Variants in CRACDL observed in about 807,000 individuals in gnomAD.
The protein encoded by CRACDL is CRACD like.
Under a neutral mutation model 70.6 loss-of-function variants are expected in CRACDL, and 26 were observed. The observed-to-expected ratio is 0.37, with a 90% CI of 0.27 to 0.51. The LOEUF (loss-of-function observed/expected upper bound fraction) is 0.51, where lower values mean the gene tolerates loss of function less well. CRACDL is among the 20% of genes least tolerant of loss of function. The probability of loss-of-function intolerance (pLI) is 0.94; values close to 1 mark genes in which losing one functional copy is unlikely to be tolerated. For missense variants in CRACDL, 1,283 were observed against 1,376.9 expected, an observed-to-expected ratio of 0.93 and a Z score of 1.08; for synonymous variants, 618 against 615.2, an observed-to-expected ratio of 1.00 and a Z score of -0.07.
Position 98,823,633 on chromosome 2 carries a change from A to G in CRACDL, c.736-96T>C. Reference sequence around the variant, plus strand: ...TTTCAAGGCTTATAATGGTTTAGTGATAGCAGCACTATAAAGCTGGCACTT... The same window carrying G: ...TTTCAAGGCTTATAATGGTTTAGTGGTAGCAGCACTATAAAGCTGGCACTT... On this transcript the variant is annotated intron_variant, in intron 6 of 9. Coordinates refer to ENST00000397899, the MANE Select transcript of CRACDL (RefSeq NM_207362.3). The surrounding 1 kb of genome is among the most constrained non-coding windows in gnomAD (Gnocchi z 4.0). 1 of 1,422,772 alleles carries G rather than the reference A, an allele frequency of 7.0e-7. No individual in the cohort carries two copies. Among genetic ancestry groups the G allele is most frequent in the Non-Finnish European group, 9.6e-7 (1 of 1,046,180 alleles). The allele number at this position is 1,422,772 out of a possible 1,614,324, so 88.1% of individuals were successfully genotyped here.
chr2:98,807,139 T>C (rs1444130537), intron 7 of CRACDL, among the ~76,000 whole-genome samples: 1 of 152,208 alleles, frequency 6.6e-6, no homozygotes, highest in Non-Finnish European at 1.5e-5. Context: ...CACAGAGTCT[T>C]ATGGAACAAA....
At chr2:98,884,579 C>G (rs957211785) in intron 1 of CRACDL, among the ~76,000 whole-genome samples, 1 of 152,144 alleles carries the variant, frequency 6.6e-6, no homozygotes, top group South Asian at 2.1e-4. Context: ...CTAAAATTCA[C>G]GTGTTGAAAC....
intron 8 of CRACDL, 59 bp from the exon 9 acceptor site, chr2:98,796,323 C>T: frequency 3.2e-6 from 5 of 1,552,936 alleles, no homozygotes; most frequent in Non-Finnish European, 3.5e-6. Context: ...GGGGCAAACA[C>T]ATCCAAAGTG....
At chr2:98,864,787 T>C (rs1707070171) in intron 1 of CRACDL, among the ~76,000 whole-genome samples, 1 of 152,186 alleles carries the variant, frequency 6.6e-6, no homozygotes, top group South Asian at 2.1e-4. Flanking sequence ...CCTCAGGTGA[T>C]CCACAGGCCT....
chr2:98,836,657 A>G (rs1009900585), intron 3 of CRACDL, among the ~76,000 whole-genome samples: 1 of 152,188 alleles, frequency 6.6e-6, no homozygotes, highest in Non-Finnish European at 1.5e-5. Flanking sequence ...TGTGTGCTCC[A>G]GTCAAGAGAC....
At chr2:98,821,441 G>A (rs1705022395) in intron 7 of CRACDL, among the ~76,000 whole-genome samples, 1 of 152,214 alleles carries the variant, frequency 6.6e-6, no homozygotes, top group South Asian at 2.1e-4. Flanking sequence ...GCCTCCCAAA[G>A]TGCTGGGATT....
chr2:98,838,534 T>C (rs1705892515), intron 2 of CRACDL, among the ~76,000 whole-genome samples: 1 of 152,296 alleles, frequency 6.6e-6, no homozygotes, highest in Admixed American at 6.5e-5. Flanking sequence ...TGGAAGATGA[T>C]CACAGAATCA....
At chr2:98,908,620 C>G (rs1025213829) in intron 1 of CRACDL, 4 of 152,426 alleles carry the variant, frequency 2.6e-5, no homozygotes, top group South Asian at 2.1e-4. Context: ...GGCAGATAAA[C>G]TCCATTAAGG....
At chr2:98,838,045 T>C in intron 3 of CRACDL, 74 bp downstream of exon 3, 2 of 1,333,422 alleles carry the variant, frequency 1.5e-6, no homozygotes, top group South Asian at 3.0e-5. Flanking sequence ...GGCTCAGAAA[T>C]CCAGCAAGTT....
chr2:98,924,248 C>A (rs959981498), intron 1 of CRACDL, among the ~76,000 whole-genome samples: 1 of 152,132 alleles, frequency 6.6e-6, no homozygotes, highest in African/African-American at 2.4e-5. Flanking sequence ...CCTGGCAGAC[C>A]CTGGGCTGGA....
At position 98,797,586 on chromosome 2, in the gene CRACDL, G is replaced by A. The variant is rs774520199; in HGVS notation, c.2417-49C>T. 29 of 1,568,196 alleles carry A rather than the reference G, an allele frequency of 1.8e-5. No homozygotes were observed. In the African/African-American group the frequency reaches 2.0e-4, roughly 11 times the overall value. On this transcript the variant is annotated intron_variant, in intron 7 of 9. Coordinates refer to ENST00000397899, the MANE Select transcript of CRACDL (RefSeq NM_207362.3). ...ATAGAAACAGTCCTATTCCCTCTTC[G>A]GTTGCACCCTTTGTGTCTCCTGCAC...
Position 98,822,044 on chromosome 2 carries a change from G to A in CRACDL, c.2229C>T (p.Ser743=). ...GCCGGGCCTTCCCCTTTCCTTGGTCGCTGGGGGCCCTGGTGCCTCGAAGGG... is the reference window on the plus strand; with the variant it reads ...GCCGGGCCTTCCCCTTTCCTTGGTCACTGGGGGCCCTGGTGCCTCGAAGGG... The part of the protein sequence containing the change: ...APALRGTRAP[S]DQGKGKARPP... The change falls in exon 7 of 10, where the codon AGC becomes AGT. Residue 743 remains serine, a synonymous_variant. Coordinates refer to ENST00000397899, the MANE Select transcript of CRACDL (RefSeq NM_207362.3). The surrounding 1 kb of genome is among the most constrained non-coding windows in gnomAD (Gnocchi z 4.9). 6.5e-7 allele frequency: 1 copy of A among 1,545,254 alleles called. No homozygotes were observed. The highest frequency in any genetic ancestry group is 8.7e-7 in the Non-Finnish European group (1 of 1,144,540).
At chr2:98,892,584 G>A (rs559703701) in intron 1 of CRACDL, among the ~76,000 whole-genome samples, 13 of 151,942 alleles carry the variant, frequency 8.6e-5, no homozygotes, top group East Asian at 1.9e-4. Context: ...TAGCTACTCC[G>A]GAGGCTGAGG....
chr2:98,816,089 C>T (rs542234179), intron 7 of CRACDL, among the ~76,000 whole-genome samples: 1 of 152,268 alleles, frequency 6.6e-6, no homozygotes, highest in Non-Finnish European at 1.5e-5. Flanking sequence ...GTCCCAGGAG[C>T]TCTGGCCTGC....
chr2:98,903,053 A>G (rs905175291), intron 1 of CRACDL, among the ~76,000 whole-genome samples: 40 of 151,154 alleles, frequency 2.6e-4, no homozygotes, highest in African/African-American at 9.0e-4. Flanking sequence ...CAGGCGGGGG[A>G]CCCTCATCCC....
chr2:98,823,367 G>T lies in CRACDL; in HGVS notation c.906C>A (p.Pro302=). 6.5e-7 allele frequency: 1 copy of T among 1,530,060 alleles called. No homozygotes were observed. 94.8% of individuals were successfully genotyped at this position (1,530,060 alleles called of 1,614,324 possible). Residue 302 remains proline (P), a synonymous_variant, in exon 7 of 10, where the codon CCC becomes CCA. Coordinates refer to ENST00000397899, the MANE Select transcript of CRACDL (RefSeq NM_207362.3). This position sits in a 1 kb window ranked among gnomAD's most constrained non-coding sequence, Gnocchi z 4.0. The part of the protein sequence containing the change: ...EPGPPAPLPP[P]GGARARRARL... ...GGGCGCGTCTGGCACGGGCCCCTCC[G>T]GGTGGCGGCAAGGGCGCCGGTGGCC...
chr2:98,866,797 C>G (rs2104587171), intron 1 of CRACDL, among the ~76,000 whole-genome samples: 1 of 152,046 alleles, frequency 6.6e-6, no homozygotes, highest in South Asian at 2.1e-4. Context: ...CCAGCAGAAT[C>G]ACTTCTTAAT....
At chr2:98,909,970 C>G (rs962322736) in intron 1 of CRACDL, among the ~76,000 whole-genome samples, 2 of 152,180 alleles carry the variant, frequency 1.3e-5, no homozygotes, top group African/African-American at 4.8e-5. Context: ...CATTTTGCCC[C>G]GATTCCCACC....
intron 1 of CRACDL, among the ~76,000 whole-genome samples, chr2:98,910,477 C>T (rs1009359215): frequency 7.2e-4 from 109 of 151,792 alleles, no homozygotes; most frequent in Non-Finnish European, 7.4e-5. Flanking sequence ...GCCAAGATCA[C>T]GTCACTACAC....
Sources: gnomAD v4.1 joint callset for allele counts (sites outside exome capture counted in the v4.1 genomes callset) on GRCh38, gnomAD v4.1.1 for gene constraint, Gnocchi (gnomAD v3.1) non-coding constraint, MANE v1.5 for transcripts, NCBI Gene and HGNC (gene_info 2026-07-23, HGNC 2026-07-21) for gene names.